SARAF: variants seen among roughly 807,000 people sequenced by gnomAD.
SARAF encodes the protein store-operated calcium entry-associated regulatory factor.
A neutral mutation model predicts 39.7 loss-of-function variants in SARAF; 23 were observed. The ratio of observed to expected loss-of-function variants is 0.58; its 90% CI spans 0.42 to 0.82. The LOEUF (loss-of-function observed/expected upper bound fraction) is 0.82. Ranked by LOEUF, SARAF falls within the 40% of genes least tolerant of loss-of-function variation. SARAF has a pLI of 0.00. For missense variants in SARAF, 384 were observed against 418.5 expected, an observed-to-expected ratio of 0.92 and a Z score of 0.72; for synonymous variants, 175 against 168.5, an observed-to-expected ratio of 1.04 and a Z score of -0.30.
chr8:30,063,862 C>T lies in SARAF; in HGVS notation c.*26G>A, dbSNP rs939022727. ...GATGAAAAATCCAAAATTTCTGCATCCAGTGTTTGACTCCAACTTTCTACT... is the reference window on the plus strand; with the variant it reads ...GATGAAAAATCCAAAATTTCTGCATTCAGTGTTTGACTCCAACTTTCTACT... On this transcript the variant is annotated 3_prime_UTR_variant, in exon 6 of 6. Coordinates refer to ENST00000256255, the MANE Select transcript of SARAF (RefSeq NM_016127.6). 6 of 1,610,188 alleles carry T rather than the reference C, an allele frequency of 3.7e-6. No individual in the cohort carries two copies. The highest frequency in any genetic ancestry group is 5.1e-6 in the Non-Finnish European group (6 of 1,176,842).
At chr8:30,075,669 T>G (rs1022143525) in intron 1 of SARAF, among the ~76,000 whole-genome samples, 1 of 152,114 alleles carries the variant, frequency 6.6e-6, no homozygotes, top group Non-Finnish European at 1.5e-5. Flanking sequence ...ACATGAACAA[T>G]CTATTTTTCA....
intron 1 of SARAF, among the ~76,000 whole-genome samples, chr8:30,081,046 G>C (rs1802086933): frequency 6.6e-6 from 1 of 152,294 alleles, no homozygotes; most frequent in African/African-American, 2.4e-5. Flanking sequence ...GGCTGAGGCA[G>C]GAAAATCGCT....
intron 1 of SARAF, among the ~76,000 whole-genome samples, chr8:30,077,800 G>A (rs963216213): frequency 3.5e-5 from 5 of 144,266 alleles, no homozygotes; most frequent in Non-Finnish European, 7.6e-5. Flanking sequence ...GGCTCCATCT[G>A]AAAAAAAAAG....
In SARAF at chr8:30,065,346, T is replaced by C. The variant is rs149788692; in HGVS notation, c.994+642A>G. 4.6e-5 allele frequency among the ~76,000 whole-genome samples: 7 copies of C among 152,322 alleles called. No homozygotes were observed. The East Asian group carries it at 1.3e-3, about 29-fold the overall frequency. The stretch of plus-strand genomic sequence containing the variant: ...GTTTTTTTAATTGAATGTATCAATA[T>C]ATATCCAAACCAGCATTATGAGAAT... On this transcript the variant is annotated intron_variant, in intron 5 of 5. Transcript: ENST00000256255.
At chr8:30,065,713 C>CT (rs746014889) in intron 5 of SARAF, 7 of 394,538 alleles carry the variant, frequency 1.8e-5, no homozygotes, top group Non-Finnish European at 2.9e-5. Flanking sequence ...TAAAGGATCT[C>CT]TAGAGATCAC....
intron 1 of SARAF, among the ~76,000 whole-genome samples, chr8:30,076,580 T>C (rs1286505414): frequency 6.6e-6 from 1 of 152,230 alleles, no homozygotes; most frequent in East Asian, 1.9e-4. Flanking sequence ...CTGCTATGGT[T>C]TGAATGTGTC....
intron 3 of SARAF, 120 bp downstream of exon 3, chr8:30,069,522 A>G: frequency 9.3e-7 from 1 of 1,075,848 alleles, no homozygotes; most frequent in Non-Finnish European, 1.4e-6. Flanking sequence ...AGTAAAAAAC[A>G]AAATGAGAAG....
chr8:30,070,135 C>A, intron 2 of SARAF, 76 bp from the exon 3 acceptor site: 1 of 1,345,626 alleles, frequency 7.4e-7, no homozygotes, highest in Non-Finnish European at 1.0e-6. Context: ...GGGGGCCGGG[C>A]GCAGTGGCTC....
At chr8:30,064,534 C>CATATATATATATATAT (rs71204255) in intron 5 of SARAF, among the ~76,000 whole-genome samples, 28 of 78,208 alleles carry the variant, frequency 3.6e-4, no homozygotes, top group Non-Finnish European at 4.3e-4. Context: ...CTTACCTAGC[C>CATATATATATATATAT]ATATATATAT....
chr8:30,065,648 A>T, intron 5 of SARAF: 1 of 225,522 alleles, frequency 4.4e-6, no homozygotes, highest in African/African-American at 2.3e-5. Context: ...ATCTTTTTTG[A>T]ATGTTATTGA....
intron 1 of SARAF, 187 bp downstream of exon 1, chr8:30,082,660 C>T: frequency 3.9e-6 from 2 of 508,222 alleles, no homozygotes; most frequent in Non-Finnish European, 7.0e-6. Context: ...AGTCCCTACC[C>T]GCCTCCCAAG....
At chr8:30,065,253 A>G (rs980356158) in intron 5 of SARAF, among the ~76,000 whole-genome samples, 3 of 152,208 alleles carry the variant, frequency 2.0e-5, no homozygotes, top group African/African-American at 7.2e-5. Flanking sequence ...CTGTGGCGAT[A>G]TATCTGAGAG....
intron 1 of SARAF, among the ~76,000 whole-genome samples, chr8:30,075,981 T>TAA (rs1491525634): frequency 0.057 from 419 of 7,378 alleles, 124 homozygotes; most frequent in Middle Eastern, 0.17. Context: ...ACAGAATCCC[T>TAA]AAAAAAAAAC....
intron 1 of SARAF, among the ~76,000 whole-genome samples, chr8:30,075,215 G>A (rs144261299): frequency 6.6e-6 from 1 of 151,432 alleles, no homozygotes; most frequent in African/African-American, 2.4e-5. Flanking sequence ...CAGGAGAATC[G>A]CTTGAACCTG....
intron 3 of SARAF, 128 bp from the exon 4 acceptor site, chr8:30,067,046 T>G (rs573987479): frequency 2.1e-6 from 2 of 956,574 alleles, no homozygotes; most frequent in East Asian, 2.5e-5. Flanking sequence ...ATCAAGTTAT[T>G]AACAAGTTGT....
Position 30,064,043 on chromosome 8 carries a change from A to G in SARAF, c.995-130T>C, listed in dbSNP as rs12542294. The stretch of plus-strand genomic sequence containing the variant: ...GGAGGAAAGGAAAGAGTGTGCCACT[A>G]GGTGGAACTGGGCTAAGCAGGACAG... On this transcript the variant is annotated intron_variant, in intron 5 of 5. Coordinates refer to ENST00000256255, the MANE Select transcript of SARAF (RefSeq NM_016127.6). 5,169 of 798,384 alleles carry G rather than the reference A, an allele frequency of 6.5e-3. 147 individuals carry two copies. The Admixed American group carries it at 0.068, about 11-fold the overall frequency. 49.5% of individuals were successfully genotyped at this position (798,384 alleles called of 1,614,324 possible). A position where few individuals can be genotyped will look rare whatever the true frequency, so the allele number is the denominator to read the frequency against.
In SARAF at chr8:30,066,933, GATTT is replaced by G. The variant is rs1364398368; in HGVS notation, c.701-19_701-16del. 8.4e-6 allele frequency: 13 copies of G among 1,546,026 alleles called. No individual in the cohort carries two copies. The highest frequency in any genetic ancestry group is 1.2e-5 in the Non-Finnish European group (13 of 1,129,798). On this transcript the variant is annotated splice_polypyrimidine_tract_variant and intron_variant, in intron 3 of 5. Transcript: ENST00000256255. ...ATTCTGTGGTCCTTAAAATAAAAATGATTTATTATGTATCCTCACTTAAACATGA... is the reference window on the plus strand; with the variant it reads ...ATTCTGTGGTCCTTAAAATAAAAATGATTATGTATCCTCACTTAAACATGA...
intron 1 of SARAF, among the ~76,000 whole-genome samples, chr8:30,079,116 C>T (rs1167059857): frequency 6.8e-6 from 1 of 146,314 alleles, no homozygotes; most frequent in Non-Finnish European, 1.5e-5. Context: ...GATATTGCTA[C>T]CACTGCACTC....
In SARAF at chr8:30,083,006, C is replaced by T. The variant is rs142546539; in HGVS notation, c.-57G>A. The T allele has an allele frequency of 9.3e-3, 12,468 of 1,339,432 alleles. 106 individuals are homozygous for T. Among genetic ancestry groups the T allele is most frequent in the Middle Eastern group, 0.036 (138 of 3,878 alleles). 83.0% of individuals were successfully genotyped at this position (1,339,432 alleles called of 1,614,324 possible). A position where few individuals can be genotyped will look rare whatever the true frequency, so the allele number is the denominator to read the frequency against. ...GACGCCTACGGGCCGAACCTGGGTG[C>T]GGTAGCGCGCGCGACGCTGCGCAGC... On this transcript the variant is annotated 5_prime_UTR_variant, in exon 1 of 6. Coordinates refer to ENST00000256255, the MANE Select transcript of SARAF (RefSeq NM_016127.6).
Sources: allele counts gnomAD v4.1 joint callset (sites outside exome capture counted in the v4.1 genomes callset), GRCh38; gene constraint gnomAD v4.1.1; transcripts MANE v1.5; gene names NCBI Gene and HGNC (gene_info 2026-07-23, HGNC 2026-07-21).